UBR3: variants seen among roughly 807,000 people sequenced by gnomAD.
The protein encoded by UBR3 is E3 ubiquitin-protein ligase UBR3.
In UBR3, 85 loss-of-function variants were observed where a neutral mutation model predicts 243.2. That is an observed-to-expected ratio of 0.35 (90% CI 0.29 to 0.42). The LOEUF (loss-of-function observed/expected upper bound fraction) is 0.42. Among genes scored for constraint, UBR3 ranks in the 10% least tolerant of loss-of-function variants. UBR3 has a pLI of 1.00. For synonymous variants in UBR3, 748 were observed against 799.8 expected (o/e 0.94, Z 1.09); for missense variants, 1,686 against 2,300.8 (o/e 0.73, Z 5.47).
intron 36 of UBR3, chr2:170,077,223 G>C: frequency 2.8e-6 from 2 of 712,980 alleles, no homozygotes; most frequent in Non-Finnish European, 5.3e-6. Flanking sequence ...TGAAAGTGCT[G>C]TCAGACCAGT....
intron 1 of UBR3, among the ~76,000 whole-genome samples, chr2:169,830,915 A>T: frequency 6.6e-6 from 1 of 151,440 alleles, no homozygotes; most frequent in East Asian, 1.9e-4. Flanking sequence ...ATGAGATGGA[A>T]GTCTGATCGC....
chr2:170,028,409 G>A (rs16857492), intron 30 of UBR3, among the ~76,000 whole-genome samples: 7,866 of 151,722 alleles, frequency 0.052, 393 homozygotes, highest in African/African-American at 0.13. Context: ...TAGAAAATAA[G>A]TAACAATAAT....
At chr2:169,955,221 C>T (rs2087222833) in intron 23 of UBR3, among the ~76,000 whole-genome samples, 1 of 152,168 alleles carries the variant, frequency 6.6e-6, no homozygotes, top group Non-Finnish European at 1.5e-5. Context: ...TTACCTTTCC[C>T]ACCCCACTTT....
chr2:169,875,667 T>G (rs1301895945), intron 2 of UBR3, 124 bp from the exon 3 acceptor site: 4 of 994,738 alleles, frequency 4.0e-6, no homozygotes, highest in Non-Finnish European at 4.2e-6. Context: ...TGTATTGACT[T>G]TTTTGATTAT....
At chr2:169,868,754 T>C (rs542215007) in intron 1 of UBR3, among the ~76,000 whole-genome samples, 51 of 152,368 alleles carry the variant, frequency 3.3e-4, no homozygotes, top group African/African-American at 1.2e-3. Flanking sequence ...TCAACTGTAA[T>C]GAACTAGTAC....
At chr2:169,913,353 GTTTTTTGTTTTT>G (rs916599026) in intron 10 of UBR3, among the ~76,000 whole-genome samples, 33 of 107,634 alleles carry the variant, frequency 3.1e-4, no homozygotes, top group Non-Finnish European at 5.7e-4. Flanking sequence ...TTGTTTGTTT[GTTTTTTGTTTTT>G]TTTTTTGTTT....
intron 33 of UBR3, among the ~76,000 whole-genome samples, chr2:170,058,969 A>G (rs1252207209): frequency 3.3e-5 from 5 of 152,160 alleles, no homozygotes; most frequent in African/African-American, 9.7e-5. Flanking sequence ...ACTCTCTTGC[A>G]TCTCTCGACC....
chr2:169,916,306 ATTTAC>A (rs1292717505), intron 11 of UBR3, among the ~76,000 whole-genome samples: 1 of 152,110 alleles, frequency 6.6e-6, no homozygotes, highest in Non-Finnish European at 1.5e-5. Context: ...TCTTTAATAT[ATTTAC>A]TTATCTATAA....
At chr2:170,070,144 T>C (rs1445366370) in intron 35 of UBR3, among the ~76,000 whole-genome samples, 1 of 152,158 alleles carries the variant, frequency 6.6e-6, no homozygotes. Flanking sequence ...AATGCTGCAT[T>C]GAACATGGGC....
intron 31 of UBR3, among the ~76,000 whole-genome samples, chr2:170,039,862 C>T (rs372737775): frequency 3.2e-3 from 493 of 152,196 alleles, no homozygotes; most frequent in South Asian, 9.3e-3. Context: ...ACTGCACATT[C>T]CTAAGGTTTA....
chr2:169,908,331 A>T (rs1243797783), intron 10 of UBR3, among the ~76,000 whole-genome samples: 2 of 152,152 alleles, frequency 1.3e-5, no homozygotes, highest in Admixed American at 1.3e-4. Flanking sequence ...AACTCTTTGA[A>T]ATTTTAAAGT....
chr2:169,956,602 A>T (rs776238765), intron 23 of UBR3, among the ~76,000 whole-genome samples: 12 of 152,120 alleles, frequency 7.9e-5, no homozygotes, highest in Non-Finnish European at 1.5e-4. Context: ...TTTTATGTGG[A>T]TCCTAAATTA....
intron 3 of UBR3, among the ~76,000 whole-genome samples, chr2:169,876,300 T>A (rs1332697681): frequency 6.6e-6 from 1 of 151,938 alleles, no homozygotes; most frequent in African/African-American, 2.4e-5. Flanking sequence ...CAGGATGGTC[T>A]CGATCTCCTG....
intron 26 of UBR3, among the ~76,000 whole-genome samples, chr2:169,996,913 A>C (rs1449411457): frequency 2.0e-5 from 3 of 151,306 alleles, no homozygotes; most frequent in African/African-American, 4.9e-5. Context: ...GTTGGCCAGG[A>C]TGGTCTCGAT....
chr2:169,828,187 G>A (rs2081807817), intron 1 of UBR3, 135 bp downstream of exon 1: 1 of 1,146,222 alleles, frequency 8.7e-7, no homozygotes, highest in South Asian at 3.2e-5. Context: ...ACAGGGGGAT[G>A]GAGGTGACTG....
At chr2:169,956,536 A>G (rs1209791871) in intron 23 of UBR3, among the ~76,000 whole-genome samples, 5 of 152,072 alleles carry the variant, frequency 3.3e-5, no homozygotes, top group Non-Finnish European at 5.9e-5. Flanking sequence ...GGATAATAAT[A>G]TTTTGGCTCA....
At chr2:170,042,498 G>A (rs62172045) in intron 32 of UBR3, among the ~76,000 whole-genome samples, 8,832 of 151,958 alleles carry the variant, frequency 0.058, 310 homozygotes, top group Non-Finnish European at 0.085. Context: ...TGACCAGCCT[G>A]GCCAACATGG....
intron 36 of UBR3, chr2:170,077,541 G>T: frequency 1.4e-6 from 1 of 729,300 alleles, no homozygotes; most frequent in Non-Finnish European, 2.3e-6. Context: ...CTCCAACAAA[G>T]CAGACTTTAG....
intron 1 of UBR3, among the ~76,000 whole-genome samples, chr2:169,865,478 A>C (rs555148633): frequency 1.3e-5 from 2 of 152,226 alleles, no homozygotes; most frequent in South Asian, 4.2e-4. Flanking sequence ...CAGTCTTCTG[A>C]TACACTTCTG....
Sources: allele counts gnomAD v4.1 joint callset (sites outside exome capture counted in the v4.1 genomes callset), GRCh38; gene constraint gnomAD v4.1.1; transcripts MANE v1.5; gene names NCBI Gene and HGNC (gene_info 2026-07-23, HGNC 2026-07-21).